DOCK6: variants seen among roughly 807,000 people sequenced by gnomAD.
DOCK6 encodes the protein dedicator of cytokinesis protein 6.
In DOCK6, 167 loss-of-function variants were observed where a neutral mutation model predicts 230.3. The ratio of observed to expected loss-of-function variants is 0.73; its 90% CI spans 0.64 to 0.82. The LOEUF (loss-of-function observed/expected upper bound fraction) is 0.82. DOCK6 is among the 40% of genes least tolerant of loss of function. The pLI is 0.00. For missense variants in DOCK6, 2,598 were observed against 2,825.8 expected (o/e 0.92, Z 1.83); for synonymous variants, 1,148 against 1,185.0 (o/e 0.97, Z 0.64).
intron 28 of DOCK6, among the ~76,000 whole-genome samples, chr19:11,219,597 G>A (rs1242636504): frequency 6.6e-6 from 1 of 151,706 alleles, no homozygotes. Flanking sequence ...AGACCATCCT[G>A]GTTAATACAG....
chr19:11,255,151 G>A (rs939391463), intron 1 of DOCK6, among the ~76,000 whole-genome samples: 3 of 151,888 alleles, frequency 2.0e-5, no homozygotes, highest in African/African-American at 7.3e-5. Flanking sequence ...TTACTGGCAT[G>A]TGCCACCACA....
In DOCK6 at chr19:11,262,513, C is replaced by CCGGGG. The variant is rs902206971; in HGVS notation, c.-78_-74dup. The CCGGGG allele has an allele frequency of 5.2e-6, 5 of 963,034 alleles. No individual in the cohort carries two copies. Among genetic ancestry groups the CCGGGG allele is most frequent in the Admixed American group, 6.2e-5 (1 of 16,080 alleles). The allele number at this position is 963,034 out of a possible 1,614,324, so 59.7% of individuals were successfully genotyped here. On this transcript the variant is annotated 5_prime_UTR_variant, in exon 1 of 48. Coordinates refer to ENST00000294618, the MANE Select transcript of DOCK6 (RefSeq NM_020812.4). ...GCCGCCGCCTCCCGGTTCTGGGCAG[C>CCGGGG]CGGGGCGGGGCGGGGCCGGCGCGGG...
Position 11,202,623 on chromosome 19 carries a change from T to C in DOCK6, c.5322A>G (p.Pro1774=). 2 of 1,614,006 alleles carry C rather than the reference T, an allele frequency of 1.2e-6. No individual in the cohort carries two copies. The highest frequency in any genetic ancestry group is 1.7e-6 in the Non-Finnish European group (2 of 1,179,896). ...AGATCTCTGCCAGCTTCGTGATCGA[T>C]GGCTCCTTGTACACAAACTCCTGCT... ...LDEQEFVYKE[P]SITKLAEISH... Residue 1774 remains proline (P), a synonymous_variant, in exon 42 of 48, where the codon CCA becomes CCG. Coordinates refer to ENST00000294618, the MANE Select transcript of DOCK6 (RefSeq NM_020812.4). This position sits in a 1 kb window ranked among gnomAD's most constrained non-coding sequence, Gnocchi z 5.3.
chr19:11,215,731 A>G, intron 31 of DOCK6, 70 bp downstream of exon 31: 4 of 1,605,868 alleles, frequency 2.5e-6, no homozygotes, highest in South Asian at 1.1e-5. Context: ...GGCCCCCTTC[A>G]TGGGGTCCCC....
chr19:11,205,871 C>G (rs10421221), intron 39 of DOCK6: 5 of 150,172 alleles, frequency 3.3e-5, no homozygotes, highest in Non-Finnish European at 5.9e-5. Flanking sequence ...GTGATCTGCC[C>G]GCCCCGGCCT....
intron 14 of DOCK6, chr19:11,238,568 T>C (rs1485313403): frequency 4.3e-6 from 2 of 459,778 alleles, no homozygotes; most frequent in Non-Finnish European, 8.0e-6. Flanking sequence ...CAGAAGGACA[T>C]TGGAGGCACT....
In DOCK6 at chr19:11,202,662, G is replaced by A. The variant is rs371288015; in HGVS notation, c.5283C>T (p.Phe1761=). The change falls in exon 42 of 48, where the codon TTC becomes TTT. Residue 1761 remains phenylalanine (F), a synonymous_variant. Transcript: ENST00000294618. The surrounding 1 kb of genome is among the most constrained non-coding windows in gnomAD (Gnocchi z 5.3). Reference sequence around the variant, plus strand: ...CAAACTCCTGCTCATCCAGGTCACCGAAGTGGGCGCCGTAGAAGCCCACGC... The same window carrying A: ...CAAACTCCTGCTCATCCAGGTCACCAAAGTGGGCGCCGTAGAAGCCCACGC... ...YFRVGFYGAH[F]GDLDEQEFVY... 2.9e-5 allele frequency: 47 copies of A among 1,614,010 alleles called. No individual in the cohort carries two copies. The highest frequency in any genetic ancestry group is 2.8e-4 in the African/African-American group (21 of 75,066).
chr19:11,242,975 CT>C (rs1240922491), intron 13 of DOCK6, 83 bp downstream of exon 13: 22 of 1,521,684 alleles, frequency 1.4e-5, no homozygotes, highest in Non-Finnish European at 1.9e-5. Context: ...TCTGATGCCC[CT>C]GGCACAGTAG....
chr19:11,252,052 G>T, intron 5 of DOCK6, 67 bp downstream of exon 5: 2 of 1,554,754 alleles, frequency 1.3e-6, no homozygotes, highest in South Asian at 2.4e-5. Context: ...TGTCACATGT[G>T]ACCAAAAGCT....
chr19:11,205,925 C>T (rs1245882273), intron 39 of DOCK6: 1 of 152,106 alleles, frequency 6.6e-6, no homozygotes, highest in East Asian at 1.9e-4. Context: ...GCACCTGGCC[C>T]TTCCTCTGAG....
At position 11,200,533 on chromosome 19, in the gene DOCK6, G is replaced by A; in HGVS notation, c.5940-64C>T. On this transcript the variant is annotated intron_variant, in intron 46 of 47. Transcript: ENST00000294618. This position sits in a 1 kb window ranked among gnomAD's most constrained non-coding sequence, Gnocchi z 4.3. ...CACGGGACTGAAAGCAAGACTAGGG[G>A]TGGGGGCACCCATAAGGCGGGACCA... The A allele has an allele frequency of 1.3e-6, 2 of 1,572,956 alleles. No homozygotes were observed. The highest frequency in any genetic ancestry group is 1.7e-6 in the Non-Finnish European group (2 of 1,160,164).
intron 30 of DOCK6, chr19:11,216,317 G>A (rs899178836): frequency 4.0e-5 from 7 of 172,948 alleles, no homozygotes; most frequent in Admixed American, 4.0e-4. Flanking sequence ...CAAACTCGTG[G>A]GCTCAAGCAG....
At position 11,243,219 on chromosome 19, in the gene DOCK6, GC is replaced by G; in HGVS notation, c.1386+38del. 6.2e-7 allele frequency: 1 copy of G among 1,613,482 alleles called. No individual in the cohort carries two copies. The highest frequency in any genetic ancestry group is 8.5e-7 in the Non-Finnish European group (1 of 1,179,620). Reference sequence around the variant, plus strand: ...GGGGTCCCCAGGGCTAATGCAGCCAGCGGGGAGTGGGAGAGTCCCTGGCCCC... The same window carrying G: ...GGGGTCCCCAGGGCTAATGCAGCCAGGGGGAGTGGGAGAGTCCCTGGCCCC... On this transcript the variant is annotated intron_variant, in intron 12 of 47. Transcript: ENST00000294618. The surrounding 1 kb of genome is among the most constrained non-coding windows in gnomAD (Gnocchi z 6.3).
intron 1 of DOCK6, among the ~76,000 whole-genome samples, chr19:11,261,793 C>G (rs567916665): frequency 6.6e-6 from 1 of 151,788 alleles, no homozygotes; most frequent in South Asian, 2.1e-4. Flanking sequence ...CAGCCCGTGA[C>G]GGGAGAGCCT....
In DOCK6 at chr19:11,212,169, G is replaced by A. The variant is rs1325780612; in HGVS notation, c.4492-18C>T. On this transcript the variant is annotated intron_variant, in intron 35 of 47. Transcript: ENST00000294618. ...GCAAAGTTCTGCAGGGACAGGGGCGGGAGGGTGGAGCCGGGAGTCTCAGAC... is the reference window on the plus strand; with the variant it reads ...GCAAAGTTCTGCAGGGACAGGGGCGAGAGGGTGGAGCCGGGAGTCTCAGAC... The A allele has an allele frequency of 6.2e-7, 1 of 1,600,192 alleles. No homozygotes were observed. The highest frequency in any genetic ancestry group is 1.1e-5 in the South Asian group (1 of 90,536).
Position 11,200,346 on chromosome 19 carries a change from GC to G in DOCK6, c.6062del (p.Arg2021ProfsTer5). 4.4e-6 allele frequency: 7 copies of G among 1,578,232 alleles called. No homozygotes were observed. Among genetic ancestry groups the G allele is most frequent in the Non-Finnish European group, 5.2e-6 (6 of 1,162,072 alleles). On this transcript the variant is annotated frameshift_variant, in exon 47 of 48. Coordinates refer to ENST00000294618, the MANE Select transcript of DOCK6 (RefSeq NM_020812.4). LOFTEE classifies it high-confidence loss of function. This position sits in a 1 kb window ranked among gnomAD's most constrained non-coding sequence, Gnocchi z 4.3. Reference protein sequence around the residue: ...REALQPLLTQRLPQLMAPTPP... With the variant: ...REALQPLLTQXLPQLMAPTPP... Reference sequence around the variant, plus strand: ...GGGTGGGTGCCATCAGCTGGGGCAGGCGCTGGGTAAGCAGGGGCTGCAGAGC... The same window carrying G: ...GGGTGGGTGCCATCAGCTGGGGCAGGGCTGGGTAAGCAGGGGCTGCAGAGC...
Position 11,262,493 on chromosome 19 carries a change from C to T in DOCK6, c.-53G>A. ...CGGGCCCCGGCCCCGCCGCCGCCGC[C>T]GCCTCCCGGTTCTGGGCAGCCGGGG... On this transcript the variant is annotated 5_prime_UTR_variant, in exon 1 of 48. Transcript: ENST00000294618. The T allele has an allele frequency of 9.5e-7, 1 of 1,053,688 alleles. No individual in the cohort carries two copies. Among genetic ancestry groups the T allele is most frequent in the Non-Finnish European group, 1.1e-6 (1 of 875,168 alleles). The allele number at this position is 1,053,688 out of a possible 1,614,324, so 65.3% of individuals were successfully genotyped here. A position where few individuals can be genotyped will look rare whatever the true frequency, so the allele number is the denominator to read the frequency against.
At chr19:11,246,060 G>GT (rs1407131259) in intron 7 of DOCK6, among the ~76,000 whole-genome samples, 182 bp from the exon 8 acceptor site, 4 of 151,574 alleles carry the variant, frequency 2.6e-5, no homozygotes, top group Admixed American at 6.6e-5. Flanking sequence ...AGGCACTGAA[G>GT]TTTTTTGTTG....
intron 7 of DOCK6, 95 bp from the exon 8 acceptor site, chr19:11,245,973 C>CCA: frequency 7.0e-7 from 1 of 1,420,082 alleles, no homozygotes; most frequent in African/African-American, 1.4e-5. Context: ...GGGCATCTGA[C>CCA]TCCCACTGGG....
Sources: gnomAD v4.1 joint callset for allele counts (sites outside exome capture counted in the v4.1 genomes callset) on GRCh38, gnomAD v4.1.1 for gene constraint, Gnocchi (gnomAD v3.1) non-coding constraint, MANE v1.5 for transcripts, NCBI Gene and HGNC (gene_info 2026-07-23, HGNC 2026-07-21) for gene names.